The following PCSK1 variants were observed in gnomAD, a reference collection of about 807,000 sequenced individuals.
PCSK1 encodes proprotein convertase subtilisin/kexin type 1, also known as neuroendocrine convertase 1.
A neutral mutation model predicts 90.6 loss-of-function variants in PCSK1; 56 were observed. The observed-to-expected ratio is 0.62, with a 90% CI of 0.50 to 0.77. The LOEUF is 0.77. PCSK1 is among the 30% of genes least tolerant of loss of function. The probability of loss-of-function intolerance (pLI) is 0.00; values close to 1 mark genes in which losing one functional copy is unlikely to be tolerated. For synonymous variants in PCSK1, 348 were observed against 342.4 expected (o/e 1.02, Z -0.18); for missense variants, 801 against 932.6 (o/e 0.86, Z 1.84).
At chr5:96,400,304 T>G (rs1561364482) in intron 9 of PCSK1, 118 bp from the exon 10 acceptor site, 4 of 744,684 alleles carry the variant, frequency 5.4e-6, no homozygotes, top group Non-Finnish European at 7.3e-6. Flanking sequence ...GCTATTGTAG[T>G]TATGTTATTC....
rs1052278594 is a variant in PCSK1, at chr5:96,394,921, G to A, written c.1827C>T (p.Ser609=). The change falls in exon 13 of 14, where the codon TCC becomes TCT. Residue 609 remains serine (S), a synonymous_variant. Coordinates refer to ENST00000311106, the MANE Select transcript of PCSK1 (RefSeq NM_000439.5). ...TTCTGTCATTCTGAACAGTGTTGTAGGACGTGTACACACGAGGCTGCTTCA... is the reference window on the plus strand; with the variant it reads ...TTCTGTCATTCTGAACAGTGTTGTAAGACGTGTACACACGAGGCTGCTTCA... ...EHMKQPRVYT[S]YNTVQNDRRG... is the part of the protein sequence containing the mutation. The A allele has an allele frequency of 8.1e-6, 13 of 1,613,996 alleles. No homozygotes were observed. Among genetic ancestry groups the A allele is most frequent in the Non-Finnish European group, 1.1e-5 (13 of 1,179,986 alleles).
rs1759915149 is a variant in PCSK1, at chr5:96,390,889, T to C, written c.*2112A>G. On this transcript the variant is annotated 3_prime_UTR_variant, in exon 14 of 14. Coordinates refer to ENST00000311106, the MANE Select transcript of PCSK1 (RefSeq NM_000439.5). Reference sequence around the variant, plus strand: ...ATTAAAGCTTCTTGAGAGTGAACCTTTGGCTACAACCCAATGAGTTGGCTG... The same window carrying C: ...ATTAAAGCTTCTTGAGAGTGAACCTCTGGCTACAACCCAATGAGTTGGCTG... 1 of 152,752 alleles carries C rather than the reference T, an allele frequency of 6.5e-6. No homozygotes were observed. Among genetic ancestry groups the C allele is most frequent in the African/African-American group, 2.4e-5 (1 of 41,570 alleles). 9.5% of individuals were successfully genotyped at this position (152,752 alleles called of 1,614,324 possible). A position where few individuals can be genotyped will look rare whatever the true frequency, so the allele number is the denominator to read the frequency against.
chr5:96,410,076 T>A (rs1760704263), intron 8 of PCSK1, among the ~76,000 whole-genome samples: 1 of 152,126 alleles, frequency 6.6e-6, no homozygotes, highest in Non-Finnish European at 1.5e-5. Flanking sequence ...TTGGGGGCCT[T>A]ACATTTTTTA....
chr5:96,408,150 A>AG, intron 9 of PCSK1, 73 bp downstream of exon 9: 1 of 1,081,256 alleles, frequency 9.2e-7, no homozygotes, highest in African/African-American at 1.6e-5. Flanking sequence ...CCATGTATTC[A>AG]GAAAAAAAAG....
intron 11 of PCSK1, 54 bp downstream of exon 11, chr5:96,398,825 A>C: frequency 7.4e-7 from 1 of 1,346,348 alleles, no homozygotes; most frequent in South Asian, 1.2e-5. Context: ...CAGTTATTTG[A>C]ATCATTCAAC....
intron 8 of PCSK1, 130 bp from the exon 9 acceptor site, chr5:96,408,453 T>C (rs1229157205): frequency 2.8e-6 from 2 of 710,940 alleles, no homozygotes; most frequent in East Asian, 5.4e-5. Context: ...ATTGCCTACT[T>C]TCTCCTCTAA....
chr5:96,423,462 G>C lies in PCSK1; in HGVS notation c.397-3C>G, dbSNP rs1288038350. On this transcript the variant is annotated splice_region_variant and splice_polypyrimidine_tract_variant and intron_variant, in intron 3 of 13. Transcript: ENST00000311106. ...GCTGCCGTCATCCTGGTATCTTGCT[G>C]GTAAAGAAAAACAACGAAGCATTGA... The C allele has an allele frequency of 1.1e-5, 18 of 1,613,566 alleles. No homozygotes were observed. The highest frequency in any genetic ancestry group is 1.5e-5 in the Non-Finnish European group (18 of 1,179,614).
intron 1 of PCSK1, among the ~76,000 whole-genome samples, chr5:96,431,653 C>T (rs1030839599): frequency 6.6e-6 from 1 of 152,104 alleles, no homozygotes; most frequent in Non-Finnish European, 1.5e-5. Flanking sequence ...ATTTTCCTTT[C>T]GGGCATTTCA....
Position 96,394,964 on chromosome 5 carries a change from G to C in PCSK1, c.1784C>G (p.Ser595Cys), listed in dbSNP as rs534700658. 23 of 1,613,972 alleles carry C rather than the reference G, an allele frequency of 1.4e-5. No homozygotes were observed. In the South Asian group the frequency reaches 2.5e-4, roughly 18 times the overall value. The change falls in exon 13 of 14, where the codon TCT (serine) becomes TGT (cysteine). Residue 595 changes from serine (S) to cysteine (C), a missense_variant. By Grantham distance (112) the Ser-to-Cys change is moderately radical. Coordinates refer to ENST00000311106, the MANE Select transcript of PCSK1 (RefSeq NM_000439.5). ...VNWKLILHGT[S>C]SQPEHMKQPR... ...CTGCTTCATATGCTCTGGCTGAGAA[G>C]AGGTCCCGTGCAAAATCAGCTTCCA...
chr5:96,397,208 T>C (rs1020404202), intron 12 of PCSK1, 128 bp downstream of exon 12: 1 of 804,878 alleles, frequency 1.2e-6, no homozygotes, highest in Non-Finnish European at 2.1e-6. Flanking sequence ...CACTCTACTT[T>C]TCCCTTACTT....
chr5:96,412,752 GTTTTTT>G lies in PCSK1; in HGVS notation c.710-268_710-263del, dbSNP rs57397343. Among the ~76,000 whole-genome samples the G allele has an allele frequency of 5.1e-3, 368 of 71,822 alleles. 7 individuals are homozygous for G. Among genetic ancestry groups the G allele is most frequent in the African/African-American group, 0.031 (344 of 11,142 alleles). The allele number at this position is 71,822 out of a possible 152,430, so 47.1% of individuals were successfully genotyped here. A position where few individuals can be genotyped will look rare whatever the true frequency, so the allele number is the denominator to read the frequency against. The stretch of plus-strand genomic sequence containing the variant: ...CATGCACTGTGTAGGCAGCTGTGAT[GTTTTTT>G]TTTTTTTTTTTTTTTTTGGTCCCAC... On this transcript the variant is annotated intron_variant, in intron 6 of 13. Transcript: ENST00000311106.
At chr5:96,394,070 C>T (rs974709770) in intron 13 of PCSK1, among the ~76,000 whole-genome samples, 1 of 152,204 alleles carries the variant, frequency 6.6e-6, no homozygotes, top group Non-Finnish European at 1.5e-5. Context: ...CAAGCTGAGG[C>T]CTTCACAGTT....
At chr5:96,420,667 C>T (rs549777204) in intron 5 of PCSK1, among the ~76,000 whole-genome samples, 1 of 146,900 alleles carries the variant, frequency 6.8e-6, no homozygotes, top group Admixed American at 6.8e-5. Context: ...GGAAGACTAT[C>T]CAAAGAAAGA....
chr5:96,415,622 T>A (rs906746535), intron 6 of PCSK1, among the ~76,000 whole-genome samples: 2 of 152,238 alleles, frequency 1.3e-5, no homozygotes, highest in South Asian at 2.1e-4. Flanking sequence ...GTACTTTTTT[T>A]AAATTTTGAA....
At chr5:96,412,707 G>C (rs1760795932) in intron 6 of PCSK1, among the ~76,000 whole-genome samples, 1 of 144,776 alleles carries the variant, frequency 6.9e-6, no homozygotes, top group African/African-American at 2.7e-5. Flanking sequence ...TCGCACTTTA[G>C]AGATAATACT....
intron 10 of PCSK1, among the ~76,000 whole-genome samples, chr5:96,399,636 T>C (rs1287425750): frequency 1.3e-5 from 2 of 152,180 alleles, no homozygotes; most frequent in East Asian, 3.8e-4. Flanking sequence ...AAAAAAATAG[T>C]TAAACATTGA....
intron 5 of PCSK1, among the ~76,000 whole-genome samples, chr5:96,417,129 T>G (rs1364399125): frequency 6.6e-6 from 1 of 152,170 alleles, no homozygotes; most frequent in African/African-American, 2.4e-5. Flanking sequence ...ACATTTCAAT[T>G]CTACTATACT....
intron 9 of PCSK1, among the ~76,000 whole-genome samples, chr5:96,403,841 A>AT (rs1005661846): frequency 1.3e-5 from 2 of 151,972 alleles, no homozygotes; most frequent in East Asian, 1.9e-4. Flanking sequence ...TTTTGTTGTG[A>AT]TTTTTTTCCA....
At chr5:96,400,275 G>A (rs1760310444) in intron 9 of PCSK1, 89 bp from the exon 10 acceptor site, 3 of 855,518 alleles carry the variant, frequency 3.5e-6, no homozygotes, top group Admixed American at 3.5e-5. Flanking sequence ...CTCCATTCAG[G>A]GATTATGAAG....
Sources: allele counts gnomAD v4.1 joint callset (sites outside exome capture counted in the v4.1 genomes callset), GRCh38; gene constraint gnomAD v4.1.1; transcripts MANE v1.5; gene names NCBI Gene and HGNC (gene_info 2026-07-23, HGNC 2026-07-21).